Variants in LRP1B observed in about 807,000 individuals in gnomAD.
LRP1B encodes LDL receptor related protein 1B.
A neutral mutation model predicts 556.6 loss-of-function variants in LRP1B; 217 were observed. That is an observed-to-expected ratio of 0.39 (90% CI 0.35 to 0.44). The LOEUF (loss-of-function observed/expected upper bound fraction) is 0.44. Ranked by LOEUF, LRP1B falls within the 20% of genes least tolerant of loss-of-function variation. The probability of loss-of-function intolerance (pLI) is 1.00; values close to 1 mark genes in which losing one functional copy is unlikely to be tolerated. For synonymous variants in LRP1B, 2,047 were observed against 1,865.8 expected (o/e 1.10, Z -2.50); for missense variants, 5,053 against 5,620.8 (o/e 0.90, Z 3.23).
rs753861149 is a variant in LRP1B, at chr2:140,334,570, C to T, written c.12117-11G>A. The T allele has an allele frequency of 1.3e-5, 19 of 1,504,144 alleles. No individual in the cohort carries two copies. Among genetic ancestry groups the T allele is most frequent in the South Asian group, 6.3e-5 (5 of 79,406 alleles). 93.2% of individuals were successfully genotyped at this position (1,504,144 alleles called of 1,614,324 possible). On this transcript the variant is annotated splice_polypyrimidine_tract_variant and intron_variant, in intron 78 of 90. Coordinates refer to ENST00000389484, the MANE Select transcript of LRP1B (RefSeq NM_018557.3). ...GTCCAGTACATCATCCTGAAGAGAGCGGGTCAGAGAGGTTAGCCTGGTGAT... is the reference window on the plus strand; with the variant it reads ...GTCCAGTACATCATCCTGAAGAGAGTGGGTCAGAGAGGTTAGCCTGGTGAT...
At chr2:141,347,799 T>C (rs1434664793) in intron 3 of LRP1B, among the ~76,000 whole-genome samples, 1 of 152,056 alleles carries the variant, frequency 6.6e-6, no homozygotes, top group Non-Finnish European at 1.5e-5. Flanking sequence ...AATCAGGATC[T>C]AGCAACATTT....
chr2:141,424,613 A>C (rs1370149944), intron 3 of LRP1B, among the ~76,000 whole-genome samples: 1 of 152,194 alleles, frequency 6.6e-6, no homozygotes, highest in African/African-American at 2.4e-5. Flanking sequence ...ATTACTTTGT[A>C]ATTTTAAGTG....
chr2:140,720,998 T>C (rs1439996070), intron 35 of LRP1B, among the ~76,000 whole-genome samples: 1 of 152,066 alleles, frequency 6.6e-6, no homozygotes, highest in African/African-American at 2.4e-5. Context: ...CAAAGTTGCT[T>C]TTTCTTCATC....
intron 43 of LRP1B, among the ~76,000 whole-genome samples, chr2:140,581,544 G>GT (rs35443408): frequency 0.15 from 22,525 of 151,520 alleles, 2,062 homozygotes; most frequent in Non-Finnish European, 0.2. Context: ...ATGTCTTCAC[G>GT]TTTTTTGTCC....
intron 3 of LRP1B, among the ~76,000 whole-genome samples, chr2:141,335,397 AC>A (rs1687811883): frequency 1.3e-5 from 2 of 152,292 alleles, no homozygotes; most frequent in South Asian, 4.1e-4. Flanking sequence ...TTTTAAAAAG[AC>A]CACTAATTTG....
chr2:141,811,729 AT>A (rs1334306022), intron 1 of LRP1B, among the ~76,000 whole-genome samples: 7 of 152,150 alleles, frequency 4.6e-5, no homozygotes, highest in Admixed American at 2.6e-4. Context: ...CACTGTCATA[AT>A]TATTTTTCAC....
chr2:141,729,326 C>T (rs551549057), intron 2 of LRP1B, among the ~76,000 whole-genome samples: 6 of 151,622 alleles, frequency 4.0e-5, no homozygotes, highest in East Asian at 3.9e-4. Flanking sequence ...AGTCTTTGGA[C>T]GTTATTTTGA....
intron 1 of LRP1B, among the ~76,000 whole-genome samples, chr2:141,861,247 C>T (rs1698229849): frequency 6.6e-6 from 1 of 152,168 alleles, no homozygotes; most frequent in African/African-American, 2.4e-5. Flanking sequence ...CCCCTCAATC[C>T]TCTCTTCCTA....
chr2:140,370,321 AT>A (rs1376397644), intron 71 of LRP1B, among the ~76,000 whole-genome samples: 1 of 152,008 alleles, frequency 6.6e-6, no homozygotes, highest in Admixed American at 6.6e-5. Context: ...TGTTGTTCCT[AT>A]GCTTTCAGAG....
chr2:140,908,073 T>C lies in LRP1B; in HGVS notation c.3324A>G (p.Arg1108=). ...KTKFSCWSTG[R]CINKAWVCDG... is the part of the protein sequence containing the mutation. ...CACACACCCATGCTTTGTTGATGCA[T>C]CTCCCTTAAGAAAACAGAAATAGTG... Residue 1108 remains arginine (R), a synonymous_variant, in exon 22 of 91, where the codon AGA becomes AGG. Coordinates refer to ENST00000389484, the MANE Select transcript of LRP1B (RefSeq NM_018557.3). The C allele has an allele frequency of 1.2e-6, 2 of 1,612,334 alleles. No individual in the cohort carries two copies. The highest frequency in any genetic ancestry group is 1.7e-6 in the Non-Finnish European group (2 of 1,178,738).
chr2:142,125,726 T>C (rs1041021232), intron 1 of LRP1B, among the ~76,000 whole-genome samples: 1 of 151,812 alleles, frequency 6.6e-6, no homozygotes, highest in African/African-American at 2.4e-5. Flanking sequence ...CAGGTTAAAT[T>C]TGGGAATAGC....
intron 3 of LRP1B, among the ~76,000 whole-genome samples, chr2:141,275,641 A>C (rs2105376452): frequency 6.6e-6 from 1 of 152,310 alleles, no homozygotes; most frequent in Admixed American, 6.5e-5. Context: ...TAAGCCCAGA[A>C]GGTTGACGCT....
At chr2:140,849,408 T>A (rs146085992) in intron 29 of LRP1B, among the ~76,000 whole-genome samples, 319 of 7,078 alleles carry the variant, frequency 0.045, 4 homozygotes, top group African/African-American at 0.079. Flanking sequence ...AAAAACAAAA[T>A]CCAAAAAAAA....
intron 17 of LRP1B, among the ~76,000 whole-genome samples, chr2:140,988,074 C>T (rs1389992800): frequency 6.6e-6 from 1 of 152,058 alleles, no homozygotes; most frequent in African/African-American, 2.4e-5. Flanking sequence ...GTTGAACTGA[C>T]CATACCTAAA....
At chr2:141,669,693 A>C (rs1690587585) in intron 2 of LRP1B, among the ~76,000 whole-genome samples, 1 of 136,016 alleles carries the variant, frequency 7.4e-6, no homozygotes, top group Admixed American at 8.9e-5. Context: ...CTACTTCTGC[A>C]TTATATCCTA....
intron 2 of LRP1B, among the ~76,000 whole-genome samples, chr2:141,712,801 C>G (rs1485103204): frequency 6.7e-6 from 1 of 149,956 alleles, no homozygotes; most frequent in Non-Finnish European, 1.5e-5. Context: ...TCCCTAGTAG[C>G]TAGAATTACA....
chr2:141,868,046 C>G (rs1698470917), intron 1 of LRP1B, among the ~76,000 whole-genome samples: 1 of 152,132 alleles, frequency 6.6e-6, no homozygotes, highest in African/African-American at 2.4e-5. Flanking sequence ...CCTTCCTAGG[C>G]TTGTGAATCA....
rs193119860 is a variant in LRP1B, at chr2:140,620,748, A to C, written c.6800-19109T>G. Among the ~76,000 whole-genome samples, 32 of 152,240 alleles carry C rather than the reference A, an allele frequency of 2.1e-4. No homozygotes were observed. The East Asian group carries it at 6.2e-3, about 29-fold the overall frequency. On this transcript the variant is annotated intron_variant, in intron 41 of 90. Coordinates refer to ENST00000389484, the MANE Select transcript of LRP1B (RefSeq NM_018557.3). ...TATTTACATGTTATAAGTTATGAAT[A>C]ATATATTTGAGAGAAGAAACATGAA...
At chr2:140,500,162 C>G (rs1431882258) in intron 55 of LRP1B, among the ~76,000 whole-genome samples, 1 of 151,754 alleles carries the variant, frequency 6.6e-6, no homozygotes. Flanking sequence ...CAAGTTTAAC[C>G]ACTTCTTAAT....
Sources: allele counts gnomAD v4.1 joint callset (sites outside exome capture counted in the v4.1 genomes callset), GRCh38; gene constraint gnomAD v4.1.1; transcripts MANE v1.5; gene names NCBI Gene and HGNC (gene_info 2026-07-23, HGNC 2026-07-21).